ZNF469: variants seen among roughly 807,000 people sequenced by gnomAD.
ZNF469 encodes zinc finger protein 469.
In ZNF469, 1 loss-of-function variant was observed where a neutral mutation model predicts 1.0. That is an observed-to-expected ratio of 1.00 (90% CI 0.35 to 4.73). The LOEUF (loss-of-function observed/expected upper bound fraction) is 4.73. ZNF469 is among the 30% of genes most tolerant of loss of function. The pLI, the probability that ZNF469 is intolerant of heterozygous loss-of-function variation, is 0.16. For synonymous variants in ZNF469, 2,703 were observed against 2,363.4 expected, an observed-to-expected ratio of 1.14 and a Z score of -4.17; for missense variants, 6,100 against 5,356.3, an observed-to-expected ratio of 1.14 and a Z score of -4.33.
chr16:88,386,441 G>T (rs893099727), intron 1 of ZNF469, among the ~76,000 whole-genome samples: 1 of 151,442 alleles, frequency 6.6e-6, no homozygotes, highest in Admixed American at 6.6e-5. Context: ...CCCCACCCTC[G>T]TGGGAACACC....
chr16:88,239,715 ATTTTTT>A, the ZNF469 span, among the ~76,000 whole-genome samples: 18 of 6,772 alleles, frequency 2.7e-3, no homozygotes, highest in South Asian at 0.01. Flanking sequence ...ATATATATAT[ATTTTTT>A]TTTTTTTTTT....
chr16:88,273,090 T>C, the ZNF469 span, among the ~76,000 whole-genome samples: 7 of 152,134 alleles, frequency 4.6e-5, no homozygotes, highest in African/African-American at 1.7e-4. Context: ...GGTGGATGGA[T>C]AGATAGACTG....
At chr16:88,289,580 G>A in the ZNF469 span, among the ~76,000 whole-genome samples, 1 of 152,164 alleles carries the variant, frequency 6.6e-6, no homozygotes, top group African/African-American at 2.4e-5. Flanking sequence ...ACCACTCCAT[G>A]AGCAATGAGT....
At chr16:88,172,880 G>T in the ZNF469 span, among the ~76,000 whole-genome samples, 1 of 152,300 alleles carries the variant, frequency 6.6e-6, no homozygotes, top group South Asian at 2.1e-4. Context: ...TGAAGCTAGA[G>T]AAACTATAGC....
the ZNF469 span, among the ~76,000 whole-genome samples, chr16:88,181,213 G>T: frequency 6.6e-6 from 1 of 152,136 alleles, no homozygotes; most frequent in South Asian, 2.1e-4. Flanking sequence ...TGGGACTACA[G>T]GCGCCCGCCA....
intron 1 of ZNF469, among the ~76,000 whole-genome samples, chr16:88,398,015 C>G (rs1015655948): frequency 1.7e-4 from 26 of 152,250 alleles, no homozygotes; most frequent in Admixed American, 2.0e-4. Flanking sequence ...TTCAGCCCGG[C>G]AGGGCCAGGC....
chr16:88,331,533 C>G, the ZNF469 span, among the ~76,000 whole-genome samples: 2 of 148,404 alleles, frequency 1.3e-5, no homozygotes, highest in African/African-American at 5.1e-5. Flanking sequence ...ACTACCATCA[C>G]TATCATCACC....
chr16:88,374,237 G>T, the ZNF469 span, among the ~76,000 whole-genome samples: 1 of 152,190 alleles, frequency 6.6e-6, no homozygotes, highest in Non-Finnish European at 1.5e-5. Flanking sequence ...GACACAGTAT[G>T]ACATATGTGT....
At position 88,437,021 on chromosome 16, in the gene ZNF469, T is replaced by C; in HGVS notation, c.9551T>C (p.Val3184Ala). 6.5e-7 allele frequency: 1 copy of C among 1,526,880 alleles called. No individual in the cohort carries two copies. Among genetic ancestry groups the C allele is most frequent in the Non-Finnish European group, 8.8e-7 (1 of 1,139,246 alleles). The allele number at this position is 1,526,880 out of a possible 1,614,324, so 94.6% of individuals were successfully genotyped here. The change falls in exon 3 of 3, where the codon GTG (valine) becomes GCG (alanine). Residue 3184 changes from valine to alanine, a missense_variant. By Grantham distance (64) the Val-to-Ala change is moderately conservative (BLOSUM62 0). Transcript: ENST00000565624. ...GCGTGCGGCATGTGCCTGAAGGAGGTGGCCGACGTCTGGATGTACAACGAG... is the reference window on the plus strand; with the variant it reads ...GCGTGCGGCATGTGCCTGAAGGAGGCGGCCGACGTCTGGATGTACAACGAG... ...PWACGMCLKE[V>A]ADVWMYNEHL...
chr16:88,264,004 A>C, the ZNF469 span, among the ~76,000 whole-genome samples: 1 of 152,112 alleles, frequency 6.6e-6, no homozygotes, highest in African/African-American at 2.4e-5. Context: ...TCCTGCCCAC[A>C]CCAGCCTCCC....
the ZNF469 span, among the ~76,000 whole-genome samples, chr16:88,229,809 T>A: frequency 3.3e-5 from 5 of 152,056 alleles, no homozygotes; most frequent in Admixed American, 3.3e-4. Context: ...CACCTCCTCC[T>A]CCACTCTGCC....
At chr16:88,102,600 C>T in the ZNF469 span, among the ~76,000 whole-genome samples, 1 of 152,256 alleles carries the variant, frequency 6.6e-6, no homozygotes, top group Non-Finnish European at 1.5e-5. Context: ...GCTTCCTGGC[C>T]ACCCTTCGGC....
chr16:88,283,416 A>T, the ZNF469 span, among the ~76,000 whole-genome samples: 1 of 152,166 alleles, frequency 6.6e-6, no homozygotes, highest in Non-Finnish European at 1.5e-5. Context: ...AAAAAATAAG[A>T]CGAATGAATG....
At chr16:88,202,428 C>A in the ZNF469 span, among the ~76,000 whole-genome samples, 6 of 152,226 alleles carry the variant, frequency 3.9e-5, no homozygotes, top group South Asian at 1.0e-3. Context: ...ATTCCAGGTG[C>A]CCCCGTGGAT....
chr16:88,360,628 A>C, the ZNF469 span, among the ~76,000 whole-genome samples: 5 of 112,888 alleles, frequency 4.4e-5, no homozygotes, highest in African/African-American at 2.0e-4. Flanking sequence ...CCTCGAAGGC[A>C]GTCCACCCCC....
the ZNF469 span, among the ~76,000 whole-genome samples, chr16:88,349,940 A>C: frequency 5.8e-4 from 1 of 1,710 alleles, no homozygotes; most frequent in Non-Finnish European, 1.4e-3. Context: ...CACACAACAC[A>C]CGAGACACAA....
the ZNF469 span, among the ~76,000 whole-genome samples, chr16:88,151,193 G>A: frequency 2.0e-5 from 3 of 152,284 alleles, no homozygotes; most frequent in Non-Finnish European, 4.4e-5. This position sits in a 1 kb window ranked among gnomAD's most constrained non-coding sequence, Gnocchi z 5.4. Flanking sequence ...AACCCTCAGG[G>A]GCCGCCTGGG....
In ZNF469 at chr16:88,433,960, C is replaced by A. The variant is rs1597211315; in HGVS notation, c.6490C>A (p.Gln2164Lys). The A allele has an allele frequency of 6.5e-7, 1 of 1,550,270 alleles. No individual in the cohort carries two copies. ...PSCRDPPGPQ[Q>K]LLACSPAWAP... ...CTGCAGGGACCCTCCCGGCCCCCAG[C>A]AGCTGCTGGCCTGTTCTCCTGCCTG... Residue 2164 changes from glutamine (Q) to lysine (K), a missense_variant, in exon 3 of 3, where the codon CAG becomes AAG. Gln to Lys is a moderately conservative substitution (Grantham distance 53). Transcript: ENST00000565624.
the ZNF469 span, among the ~76,000 whole-genome samples, chr16:88,374,660 A>G: frequency 1.3e-5 from 2 of 152,302 alleles, no homozygotes; most frequent in African/African-American, 4.8e-5. Context: ...TCTTATTCAC[A>G]CTAACCCAGA....
Sources: allele counts gnomAD v4.1 joint callset (sites outside exome capture counted in the v4.1 genomes callset), GRCh38; gene constraint gnomAD v4.1.1; non-coding constraint Gnocchi (gnomAD v3.1); transcripts MANE v1.5; gene names NCBI Gene and HGNC (gene_info 2026-07-23, HGNC 2026-07-21).